Variants in DERA observed in about 807,000 individuals in gnomAD.
DERA encodes the protein 2-deoxy-D-ribose 5-phosphate aldolase.
In DERA, 15 loss-of-function variants were observed where a neutral mutation model predicts 41.1. That is an observed-to-expected ratio of 0.37 (90% CI 0.24 to 0.56). DERA has a LOEUF of 0.56. DERA is among the 20% of genes least tolerant of loss of function. The pLI, the probability that DERA is intolerant of heterozygous loss-of-function variation, is 0.81. For missense variants in DERA, 396 were observed against 403.4 expected (o/e 0.98, Z 0.16); for synonymous variants, 139 against 137.4 (o/e 1.01, Z -0.08).
intron 5 of DERA, among the ~76,000 whole-genome samples, chr12:15,973,456 A>G (rs1463698791): frequency 6.6e-5 from 3 of 45,642 alleles, no homozygotes; most frequent in Non-Finnish European, 9.5e-5. Flanking sequence ...TGCTTTTTTT[A>G]TAATAGAGAA....
Position 15,931,894 on chromosome 12 carries a change from G to GT in DERA, c.31+20487dup, listed in dbSNP as rs924250191. ...TCGTCTCTTGAGGAAGATCTTGTGA[G>GT]TTTTTTTGCACATACCTGCTACCTT... is the stretch of plus-strand genomic sequence containing the variant. On this transcript the variant is annotated intron_variant, in intron 1 of 8. Coordinates refer to ENST00000428559, the MANE Select transcript of DERA (RefSeq NM_015954.4). The surrounding 1 kb of genome is among the most constrained non-coding windows in gnomAD (Gnocchi z 4.6). Among the ~76,000 whole-genome samples, 2 of 152,106 alleles carry GT rather than the reference G, an allele frequency of 1.3e-5. No homozygotes were observed. Among genetic ancestry groups the GT allele is most frequent in the Non-Finnish European group, 2.9e-5 (2 of 68,024 alleles).
chr12:15,953,193 C>A (rs548667933), intron 1 of DERA, among the ~76,000 whole-genome samples: 1 of 152,208 alleles, frequency 6.6e-6, no homozygotes, highest in Non-Finnish European at 1.5e-5. Flanking sequence ...GATAAGCCTA[C>A]TGTGACCTAC....
chr12:15,957,442 C>T lies in DERA; in HGVS notation c.129+409C>T, dbSNP rs1267236031. Among the ~76,000 whole-genome samples, 4 of 152,158 alleles carry T rather than the reference C, an allele frequency of 2.6e-5. No homozygotes were observed. Among genetic ancestry groups the T allele is most frequent in the Non-Finnish European group, 5.9e-5 (4 of 68,030 alleles). On this transcript the variant is annotated intron_variant, in intron 2 of 8. Transcript: ENST00000428559. This position sits in a 1 kb window ranked among gnomAD's most constrained non-coding sequence, Gnocchi z 4.8. ...ATAAGAGTTGACCTTTCTTGACCAT[C>T]ATATTTACCTTACTATTACTTTCTA...
rs1339592292 is a variant in DERA at position 16,035,244 on chromosome 12, G to T, written c.751-988G>T. On this transcript the variant is annotated intron_variant, in intron 7 of 8. Transcript: ENST00000428559. The surrounding 1 kb of genome is among the most constrained non-coding windows in gnomAD (Gnocchi z 4.1). ...TGGTGGAGTTTGGATTAAACTATAA[G>T]GTTTCCTGCTTGGGTTGATAATAGA... Among the ~76,000 whole-genome samples the T allele has an allele frequency of 6.6e-6, 1 of 152,120 alleles. No individual in the cohort carries two copies. Among genetic ancestry groups the T allele is most frequent in the Non-Finnish European group, 1.5e-5 (1 of 68,020 alleles).
At chr12:16,018,364 T>C (rs1441609687) in intron 6 of DERA, among the ~76,000 whole-genome samples, 1 of 152,184 alleles carries the variant, frequency 6.6e-6, no homozygotes, top group African/African-American at 2.4e-5. Context: ...ATAACAATTA[T>C]CCATTATCTT....
In DERA at chr12:15,999,468, A is replaced by G. The variant is rs937068154; in HGVS notation, c.637+17032A>G. On this transcript the variant is annotated intron_variant, in intron 6 of 8. Coordinates refer to ENST00000428559, the MANE Select transcript of DERA (RefSeq NM_015954.4). The surrounding 1 kb of genome is among the most constrained non-coding windows in gnomAD (Gnocchi z 5.3). ...CAGGAACACAGCTGACCTTCTCTGG[A>G]GGAGTCATAGAAGAATTCACAAAGC... is the stretch of plus-strand genomic sequence containing the variant. 1.3e-5 allele frequency among the ~76,000 whole-genome samples: 2 copies of G among 152,180 alleles called. No individual in the cohort carries two copies. Among genetic ancestry groups the G allele is most frequent in the Admixed American group, 6.5e-5 (1 of 15,284 alleles).
In DERA at chr12:15,954,617, G is replaced by C. The variant is rs1203588362; in HGVS notation, c.32-2319G>C. On this transcript the variant is annotated intron_variant, in intron 1 of 8. Transcript: ENST00000428559. This position sits in a 1 kb window ranked among gnomAD's most constrained non-coding sequence, Gnocchi z 4.0. ...AGGGAACTGCCAGTAGTTTAGGAAG[G>C]CTGCACCACAGAGGCAGAGGAGCAG... Among the ~76,000 whole-genome samples, 2 of 152,182 alleles carry C rather than the reference G, an allele frequency of 1.3e-5. No individual in the cohort carries two copies. Among genetic ancestry groups the C allele is most frequent in the Non-Finnish European group, 2.9e-5 (2 of 68,030 alleles).
At chr12:15,920,217 T>A (rs1230295625) in intron 1 of DERA, among the ~76,000 whole-genome samples, 1 of 152,230 alleles carries the variant, frequency 6.6e-6, no homozygotes. Flanking sequence ...TCCACACTTA[T>A]AAGGCTACCT....
chr12:15,966,436 C>A lies in DERA; in HGVS notation c.508+3489C>A, dbSNP rs1948623615. Among the ~76,000 whole-genome samples the A allele has an allele frequency of 6.6e-6, 1 of 151,388 alleles. No individual in the cohort carries two copies. Among genetic ancestry groups the A allele is most frequent in the South Asian group, 2.1e-4 (1 of 4,780 alleles). The stretch of plus-strand genomic sequence containing the variant: ...CCAAGATTGCGCCACTGCACTGCAA[C>A]CTGAGGGACAGAGTGAGATTCCCTC... On this transcript the variant is annotated intron_variant, in intron 5 of 8. Transcript: ENST00000428559. The surrounding 1 kb of genome is among the most constrained non-coding windows in gnomAD (Gnocchi z 5.1).
In DERA at chr12:15,962,926, G is replaced by C. The variant is rs758515993; in HGVS notation, c.487G>C (p.Val163Leu). The change falls in exon 5 of 9, where the codon GTG becomes CTG. Residue 163 changes from valine (V) to leucine (L), a missense_variant. Physicochemically the swap from Val to Leu is conservative, Grantham distance 32. Coordinates refer to ENST00000428559, the MANE Select transcript of DERA (RefSeq NM_015954.4). ...EIDVVINRSL[V>L]LTGQWEALYD... ...CGACGTGGTAATTAACAGAAGCTTG[G>C]TGCTGACAGGCCAGTGGGAAGGTAG... The C allele has an allele frequency of 1.9e-6, 3 of 1,605,980 alleles. No individual in the cohort carries two copies. Among genetic ancestry groups the C allele is most frequent in the Non-Finnish European group, 2.6e-6 (3 of 1,176,274 alleles).
chr12:15,978,451 A>G (rs1459510922), intron 5 of DERA, among the ~76,000 whole-genome samples: 1 of 152,196 alleles, frequency 6.6e-6, no homozygotes, highest in Non-Finnish European at 1.5e-5. Context: ...TGCCTACTAA[A>G]TGCCTGGTTC....
intron 1 of DERA, among the ~76,000 whole-genome samples, chr12:15,912,849 A>G (rs985310725): frequency 3.3e-5 from 5 of 152,220 alleles, no homozygotes; most frequent in African/African-American, 1.2e-4. Flanking sequence ...GAGTAAATCT[A>G]TCATTTTAAA....
intron 6 of DERA, among the ~76,000 whole-genome samples, chr12:16,006,642 C>T (rs1948912766): frequency 2.0e-5 from 3 of 152,366 alleles, no homozygotes; most frequent in African/African-American, 7.2e-5. Flanking sequence ...TCCCTCTCTT[C>T]TCCAGCATTT....
In DERA at chr12:15,996,239, T is replaced by C. The variant is rs1177414059; in HGVS notation, c.637+13803T>C. On this transcript the variant is annotated intron_variant, in intron 6 of 8. Coordinates refer to ENST00000428559, the MANE Select transcript of DERA (RefSeq NM_015954.4). The surrounding 1 kb of genome is among the most constrained non-coding windows in gnomAD (Gnocchi z 4.7). ...CCAGTATACACAGGGCCCCAAAATA[T>C]AGAAAACATGGGAAAAGAGGAGTGT... Among the ~76,000 whole-genome samples, 1 of 151,274 alleles carries C rather than the reference T, an allele frequency of 6.6e-6. No individual in the cohort carries two copies. Among genetic ancestry groups the C allele is most frequent in the Admixed American group, 6.6e-5 (1 of 15,190 alleles).
At chr12:15,968,774 T>G (rs1038737439) in intron 5 of DERA, among the ~76,000 whole-genome samples, 7 of 152,200 alleles carry the variant, frequency 4.6e-5, no homozygotes, top group African/African-American at 1.7e-4. Context: ...GATGCAGCCC[T>G]CCTTGCCAGC....
chr12:15,948,829 T>G (rs1028679546), intron 1 of DERA, among the ~76,000 whole-genome samples: 1 of 152,208 alleles, frequency 6.6e-6, no homozygotes, highest in African/African-American at 2.4e-5. Flanking sequence ...TCTTTGTGGT[T>G]TCATCTACCT....
In DERA at chr12:15,992,128, C is replaced by A. The variant is rs1948806414; in HGVS notation, c.637+9692C>A. The stretch of plus-strand genomic sequence containing the variant: ...GGGCTAAGGACCACACCTTCCTTAA[C>A]TTTATTCCTCTGCGATTACTATCAA... On this transcript the variant is annotated intron_variant, in intron 6 of 8. Transcript: ENST00000428559. This position sits in a 1 kb window ranked among gnomAD's most constrained non-coding sequence, Gnocchi z 4.3. 6.6e-6 allele frequency among the ~76,000 whole-genome samples: 1 copy of A among 151,140 alleles called. No homozygotes were observed. Among genetic ancestry groups the A allele is most frequent in the Non-Finnish European group, 1.5e-5 (1 of 67,856 alleles).
At chr12:15,953,369 G>A (rs1192366774) in intron 1 of DERA, among the ~76,000 whole-genome samples, 1 of 152,122 alleles carries the variant, frequency 6.6e-6, no homozygotes, top group Non-Finnish European at 1.5e-5. Flanking sequence ...AACTTCTGCA[G>A]AAACACAAAT....
intron 1 of DERA, among the ~76,000 whole-genome samples, chr12:15,956,127 C>T (rs377092150): frequency 6.6e-6 from 1 of 152,182 alleles, no homozygotes; most frequent in East Asian, 1.9e-4. Flanking sequence ...AATGGTTTCA[C>T]CAGGAATCCT....
Sources: allele counts gnomAD v4.1 joint callset (sites outside exome capture counted in the v4.1 genomes callset), GRCh38; gene constraint gnomAD v4.1.1; non-coding constraint Gnocchi (gnomAD v3.1); transcripts MANE v1.5; gene names NCBI Gene and HGNC (gene_info 2026-07-23, HGNC 2026-07-21).